The following RBFOX1 variants were observed in gnomAD, a reference collection of about 807,000 sequenced individuals.
The protein encoded by RBFOX1 is RNA binding fox-1 homolog 1, also known as RNA binding protein fox-1 homolog 1.
RBFOX1 carries 8 observed loss-of-function variants against 57.7 expected under a neutral mutation model. The ratio of observed to expected loss-of-function variants is 0.14; its 90% CI spans 0.08 to 0.25. RBFOX1 has a LOEUF of 0.25. Ranked by LOEUF, RBFOX1 falls within the 10% of genes least tolerant of loss-of-function variation. The probability of loss-of-function intolerance (pLI) is 1.00; values close to 1 mark genes in which losing one functional copy is unlikely to be tolerated. For synonymous variants in RBFOX1, 326 were observed against 222.4 expected (o/e 1.47, Z -4.15); for missense variants, 611 against 548.5 (o/e 1.11, Z -1.14).
rs144002802 is a variant in RBFOX1, at chr16:7,018,705, G to A, written c.-15-33352G>A. On this transcript the variant is annotated intron_variant, in intron 3 of 15. Transcript: ENST00000550418. The stretch of plus-strand genomic sequence containing the variant: ...ACCTAATGTAAATGACATGTTAATG[G>A]GTGCAGCACACCAACATGGCACCTG... Among the ~76,000 whole-genome samples the A allele has an allele frequency of 9.9e-4, 150 of 151,900 alleles. 3 individuals are homozygous for A. The East Asian group carries it at 0.028, about 29-fold the overall frequency.
In RBFOX1 at chr16:6,271,559, C is replaced by G. The variant is rs77739969; in HGVS notation, c.-126-45436C>G. Among the ~76,000 whole-genome samples, 1,231 of 152,238 alleles carry G rather than the reference C, an allele frequency of 8.1e-3. 14 individuals are homozygous for G. Among genetic ancestry groups the G allele is most frequent in the Non-Finnish European group, 0.012 (804 of 68,014 alleles). On this transcript the variant is annotated intron_variant, in intron 1 of 15. Transcript: ENST00000550418. ...TTTTGAACAGATGAGTAAGACAAAC[C>G]TCCTGACAAATCTGAGCAAAACTGA...
chr16:7,313,050 G>T (rs1186173765), intron 4 of RBFOX1, among the ~76,000 whole-genome samples: 1 of 152,062 alleles, frequency 6.6e-6, no homozygotes, highest in African/African-American at 2.4e-5. Context: ...GTTCCCCACT[G>T]CTGCTCTTCC....
chr16:7,002,141 C>G (rs1383036083), intron 3 of RBFOX1, among the ~76,000 whole-genome samples: 1 of 151,818 alleles, frequency 6.6e-6, no homozygotes, highest in South Asian at 2.1e-4. Flanking sequence ...TTAGGTGAGT[C>G]TAGGGTTATT....
chr16:6,487,280 C>G (rs1336426274), intron 2 of RBFOX1, among the ~76,000 whole-genome samples: 1 of 151,654 alleles, frequency 6.6e-6, no homozygotes, highest in Non-Finnish European at 1.5e-5. Context: ...GACAGAAAGC[C>G]CAATTTCACT....
intron 1 of RBFOX1, among the ~76,000 whole-genome samples, chr16:5,309,462 G>A (rs2064024826): frequency 6.6e-6 from 1 of 152,156 alleles, no homozygotes; most frequent in African/African-American, 2.4e-5. Flanking sequence ...GGTTCATAAT[G>A]CCATGCCATG....
chr16:5,760,739 A>G (rs2053564979), intron 3 of RBFOX1, among the ~76,000 whole-genome samples: 1 of 152,190 alleles, frequency 6.6e-6, no homozygotes, highest in African/African-American at 2.4e-5. Flanking sequence ...ATTGAAAGTT[A>G]TTTGAAAGTA....
At chr16:6,351,711 C>T (rs1369574890) in intron 2 of RBFOX1, among the ~76,000 whole-genome samples, 1 of 152,018 alleles carries the variant, frequency 6.6e-6, no homozygotes, top group African/African-American at 2.4e-5. Flanking sequence ...ACTAAATATA[C>T]AAGTGTGTAA....
At chr16:6,935,757 A>G (rs1351394890) in intron 3 of RBFOX1, among the ~76,000 whole-genome samples, 2 of 152,166 alleles carry the variant, frequency 1.3e-5, no homozygotes, top group Admixed American at 6.5e-5. Context: ...GAAGAATGGA[A>G]AGTGCTTTGT....
intron 3 of RBFOX1, among the ~76,000 whole-genome samples, chr16:6,810,079 C>T (rs1158806396): frequency 2.7e-5 from 4 of 148,266 alleles, no homozygotes; most frequent in African/African-American, 7.5e-5. Context: ...CTGATGGGGT[C>T]TCAGGAAGGA....
At chr16:7,203,550 G>A (rs13334727) in intron 4 of RBFOX1, among the ~76,000 whole-genome samples, 9,403 of 152,238 alleles carry the variant, frequency 0.062, 964 homozygotes, top group African/African-American at 0.22. Context: ...TGTTGTATTT[G>A]TGTTACCACT....
At chr16:5,443,620 T>G (rs2068152734) in intron 1 of RBFOX1, among the ~76,000 whole-genome samples, 1 of 152,178 alleles carries the variant, frequency 6.6e-6, no homozygotes, top group Admixed American at 6.5e-5. Context: ...GATTACAGGC[T>G]TGAGCCACCA....
chr16:6,910,495 A>C (rs1293892940), intron 3 of RBFOX1, among the ~76,000 whole-genome samples: 1 of 152,190 alleles, frequency 6.6e-6, no homozygotes, highest in Non-Finnish European at 1.5e-5. Context: ...ACTTGTGTTA[A>C]TCACTCAAAC....
chr16:5,967,584 A>G (rs2059871996), intron 4 of RBFOX1, among the ~76,000 whole-genome samples: 1 of 152,178 alleles, frequency 6.6e-6, no homozygotes, highest in South Asian at 2.1e-4. Context: ...CACAATTTTA[A>G]AAGGATAAAA....
intron 2 of RBFOX1, among the ~76,000 whole-genome samples, chr16:6,429,136 C>G (rs2094008506): frequency 2.0e-5 from 3 of 152,218 alleles, no homozygotes. Flanking sequence ...AATGTCGTGG[C>G]TGCCTCTGCA....
chr16:5,301,359 C>T (rs2063798121), intron 1 of RBFOX1, among the ~76,000 whole-genome samples: 1 of 152,066 alleles, frequency 6.6e-6, no homozygotes, highest in African/African-American at 2.4e-5. Flanking sequence ...GTGGCTCATG[C>T]CTGTAATACC....
intron 2 of RBFOX1, among the ~76,000 whole-genome samples, chr16:6,520,044 C>A (rs998739431): frequency 2.6e-5 from 4 of 152,142 alleles, no homozygotes; most frequent in Non-Finnish European, 5.9e-5. Context: ...CATGTTTCCA[C>A]CGTGCAGGTG....
At chr16:7,214,938 T>C (rs2091783499) in intron 4 of RBFOX1, among the ~76,000 whole-genome samples, 1 of 152,196 alleles carries the variant, frequency 6.6e-6, no homozygotes, top group Non-Finnish European at 1.5e-5. Flanking sequence ...GTACTGAATG[T>C]GCAGGTTTGT....
At chr16:5,394,114 C>G (rs1028907294) in intron 1 of RBFOX1, among the ~76,000 whole-genome samples, 2 of 152,058 alleles carry the variant, frequency 1.3e-5, no homozygotes, top group Non-Finnish European at 2.9e-5. Context: ...GCCTCCACCT[C>G]CTGGGTTCAA....
intron 2 of RBFOX1, among the ~76,000 whole-genome samples, chr16:5,580,939 C>G (rs549060621): frequency 1.4e-4 from 22 of 152,318 alleles, no homozygotes; most frequent in African/African-American, 5.1e-4. Context: ...GAGGACGTGA[C>G]AGGCTAAGGC....
Sources: allele counts gnomAD v4.1 joint callset (sites outside exome capture counted in the v4.1 genomes callset), GRCh38; gene constraint gnomAD v4.1.1; transcripts MANE v1.5; gene names NCBI Gene and HGNC (gene_info 2026-07-23, HGNC 2026-07-21).